Variants in STAM2 observed in about 807,000 individuals in gnomAD.
The protein encoded by STAM2 is signal transducing adaptor molecule 2.
Under a neutral mutation model 65.6 loss-of-function variants are expected in STAM2, and 51 were observed. That is an observed-to-expected ratio of 0.78 (90% confidence interval 0.62 to 0.98). The LOEUF is 0.98. Ranked by LOEUF, STAM2 falls within the 50% of genes least tolerant of loss-of-function variation. The probability of loss-of-function intolerance (pLI) is 0.00; values close to 1 mark genes in which losing one functional copy is unlikely to be tolerated. For synonymous variants in STAM2, 198 were observed against 208.4 expected, an observed-to-expected ratio of 0.95 and a Z score of 0.43; for missense variants, 584 against 617.8, an observed-to-expected ratio of 0.95 and a Z score of 0.58.
chr2:152,150,151 G>A lies in STAM2; in HGVS notation c.119C>T (p.Pro40Leu). The A allele has an allele frequency of 1.2e-6, 2 of 1,607,148 alleles. No individual in the cohort carries two copies. The highest frequency in any genetic ancestry group is 1.1e-5 in the South Asian group (1 of 90,864). ...MDICDKVGST[P>L]NGAKDCLKAI... ...GCATGACTGGACATCTTACCCATTAGGAGTACTTCCAACTTTGTCACATAT... is the reference window on the plus strand; with the variant it reads ...GCATGACTGGACATCTTACCCATTAAGAGTACTTCCAACTTTGTCACATAT... Residue 40 changes from proline (P) to leucine (L), a missense_variant, in exon 2 of 14, where the codon CCT (proline) becomes CTT (leucine). Pro to Leu is a moderately conservative substitution (Grantham distance 98, BLOSUM62 -3). Transcript: ENST00000263904.
intron 1 of STAM2, among the ~76,000 whole-genome samples, chr2:152,151,806 T>C (rs957378069): frequency 1.3e-5 from 2 of 152,224 alleles, no homozygotes; most frequent in African/African-American, 2.4e-5. Flanking sequence ...TTTGGCATAA[T>C]GTTTGCAAGG....
At chr2:152,172,982 T>C (rs996232424) in intron 1 of STAM2, among the ~76,000 whole-genome samples, 2 of 152,062 alleles carry the variant, frequency 1.3e-5, no homozygotes, top group African/African-American at 2.4e-5. Context: ...ACTATGACTA[T>C]TTTAAATAAA....
chr2:152,118,382 T>C lies in STAM2; in HGVS notation c.*2192A>G, dbSNP rs1688787291. 1 of 150,798 alleles carries C rather than the reference T, an allele frequency of 6.6e-6. No homozygotes were observed. The highest frequency in any genetic ancestry group is 1.5e-5 in the Non-Finnish European group (1 of 67,740). 9.3% of individuals were successfully genotyped at this position (150,798 alleles called of 1,614,324 possible). ...CATATGGCAAAAAATAATTTTTAAC[T>C]TGAGAAAGAAAAAAACTTCTGCACA... On this transcript the variant is annotated 3_prime_UTR_variant, in exon 14 of 14. Transcript: ENST00000263904.
intron 12 of STAM2, 170 bp downstream of exon 12, chr2:152,126,056 T>A (rs918348245): frequency 3.9e-6 from 2 of 512,086 alleles, no homozygotes; most frequent in African/African-American, 4.0e-5. Context: ...CTGTCTAATT[T>A]GCTCTGGTGA....
chr2:152,135,976 G>A (rs1689146388), intron 7 of STAM2, among the ~76,000 whole-genome samples: 1 of 151,746 alleles, frequency 6.6e-6, no homozygotes, highest in African/African-American at 2.4e-5. Context: ...TGTAGTCCCA[G>A]CTACTTGGGA....
intron 1 of STAM2, among the ~76,000 whole-genome samples, chr2:152,150,684 TA>T (rs1476253374): frequency 2.0e-5 from 3 of 152,158 alleles, no homozygotes; most frequent in Admixed American, 2.0e-4. Flanking sequence ...CAAATGCCTG[TA>T]ATCTTAGCTA....
chr2:152,142,247 T>C (rs1689262185), intron 7 of STAM2, among the ~76,000 whole-genome samples: 3 of 152,236 alleles, frequency 2.0e-5, no homozygotes, highest in Admixed American at 1.3e-4. Flanking sequence ...AAGTTCTTTT[T>C]TGAGGTGATA....
chr2:152,148,533 G>A (rs987008861), intron 2 of STAM2, among the ~76,000 whole-genome samples: 1 of 152,126 alleles, frequency 6.6e-6, no homozygotes, highest in African/African-American at 2.4e-5. Flanking sequence ...AGCTGGGCAT[G>A]GTGGCATGTG....
chr2:152,126,634 T>C (rs961417871), intron 11 of STAM2, among the ~76,000 whole-genome samples: 25 of 152,162 alleles, frequency 1.6e-4, no homozygotes, highest in African/African-American at 3.4e-4. Context: ...TGACTTCTTA[T>C]AACTAAATTG....
Position 152,120,480 on chromosome 2 carries a change from TGAGAGGGAAAAAA to T in STAM2, c.*81_*93del. On this transcript the variant is annotated 3_prime_UTR_variant, in exon 14 of 14. Transcript: ENST00000263904. ...TTATTTATTCATGGTCCTTTTGAGT[TGAGAGGGAAAAAA>T]GTTTTAATATTTTCAGGTTGGTATC... is the stretch of plus-strand genomic sequence containing the variant. 2 of 1,058,014 alleles carry T rather than the reference TGAGAGGGAAAAAA, an allele frequency of 1.9e-6. No individual in the cohort carries two copies. The highest frequency in any genetic ancestry group is 2.8e-6 in the Non-Finnish European group (2 of 712,442). The allele number at this position is 1,058,014 out of a possible 1,614,324, so 65.5% of individuals were successfully genotyped here.
intron 11 of STAM2, among the ~76,000 whole-genome samples, chr2:152,130,290 T>C (rs150079615): frequency 0.03 from 4,556 of 152,068 alleles, 216 homozygotes; most frequent in African/African-American, 0.1. Flanking sequence ...CTTGCTCTTT[T>C]GCCCAGGCTG....
intron 1 of STAM2, among the ~76,000 whole-genome samples, chr2:152,169,856 CTTT>C (rs534239660): frequency 1.4e-5 from 2 of 142,220 alleles, no homozygotes; most frequent in Non-Finnish European, 1.6e-5. Flanking sequence ...AAGAGCTACA[CTTT>C]TTTTTTTTTT....
chr2:152,156,700 CT>C (rs984098359), intron 1 of STAM2, among the ~76,000 whole-genome samples: 1 of 152,128 alleles, frequency 6.6e-6, no homozygotes, highest in Non-Finnish European at 1.5e-5. Flanking sequence ...GGCTCCCCCC[CT>C]TACAGTCATT....
Position 152,118,309 on chromosome 2 carries a change from C to G in STAM2, c.*2265G>C, listed in dbSNP as rs563203268. The G allele has an allele frequency of 6.6e-6, 1 of 151,936 alleles. No individual in the cohort carries two copies. The highest frequency in any genetic ancestry group is 1.9e-4 in the East Asian group (1 of 5,180). The allele number at this position is 151,936 out of a possible 1,614,324, so 9.4% of individuals were successfully genotyped here. On this transcript the variant is annotated 3_prime_UTR_variant, in exon 14 of 14. Coordinates refer to ENST00000263904, the MANE Select transcript of STAM2 (RefSeq NM_005843.6). ...TAACACCGAAAGAATCATCAGTACACAGATTTAAAATCATTTTTATCTCTC... is the reference window on the plus strand; with the variant it reads ...TAACACCGAAAGAATCATCAGTACAGAGATTTAAAATCATTTTTATCTCTC...
rs139474811 is a variant in STAM2, at chr2:152,135,651, C to CAATA, written c.705-52_705-49dup. The CAATA allele has an allele frequency of 0.051, 62,596 of 1,233,582 alleles. 9,801 individuals carry two copies. The East Asian group carries it at 0.57, about 11-fold the overall frequency. 76.4% of individuals were successfully genotyped at this position (1,233,582 alleles called of 1,614,324 possible). ...ATCATTTGTTCCCCACATTTTAATA[C>CAATA]AATAAGCAAAGATGAATTAAAAATT... is the stretch of plus-strand genomic sequence containing the variant. On this transcript the variant is annotated intron_variant, in intron 7 of 13. Coordinates refer to ENST00000263904, the MANE Select transcript of STAM2 (RefSeq NM_005843.6).
intron 1 of STAM2, among the ~76,000 whole-genome samples, chr2:152,172,276 G>A (rs1222211281): frequency 6.6e-6 from 1 of 152,108 alleles, no homozygotes; most frequent in Non-Finnish European, 1.5e-5. Flanking sequence ...CTGATGCCAA[G>A]AAAAGACAGG....
chr2:152,157,123 T>C (rs192420893), intron 1 of STAM2, among the ~76,000 whole-genome samples: 3 of 151,996 alleles, frequency 2.0e-5, no homozygotes, highest in African/African-American at 7.3e-5. Context: ...CTAGCCCAAG[T>C]AGAGAAGGAC....
rs983039624 is a variant in STAM2 at position 152,150,234 on chromosome 2, A to G, written c.41-5T>C. On this transcript the variant is annotated splice_polypyrimidine_tract_variant and splice_region_variant and intron_variant, in intron 1 of 13. Transcript: ENST00000263904. ...TGTACTCATTCGTGGCTTTTTCTATAAAATATATTGGCATACACAACAATG... is the reference window on the plus strand; with the variant it reads ...TGTACTCATTCGTGGCTTTTTCTATGAAATATATTGGCATACACAACAATG... The G allele has an allele frequency of 6.3e-7, 1 of 1,593,810 alleles. No individual in the cohort carries two copies. Among genetic ancestry groups the G allele is most frequent in the Admixed American group, 1.7e-5 (1 of 59,858 alleles).
chr2:152,175,504 C>T (rs752714621), intron 1 of STAM2, 99 bp downstream of exon 1: 59 of 1,505,718 alleles, frequency 3.9e-5, no homozygotes, highest in Non-Finnish European at 5.2e-5. Flanking sequence ...CTTCGCTTTG[C>T]TTCCTAGTCC....
Sources: gnomAD v4.1 joint callset for allele counts (sites outside exome capture counted in the v4.1 genomes callset) on GRCh38, gnomAD v4.1.1 for gene constraint, MANE v1.5 for transcripts, NCBI Gene and HGNC (gene_info 2026-07-23, HGNC 2026-07-21) for gene names.